The following APBA1 variants were observed in gnomAD, a reference collection of about 807,000 sequenced individuals.
APBA1 encodes the protein amyloid beta precursor protein binding family A member 1, also known as amyloid-beta A4 precursor protein-binding family A member 1.
APBA1 carries 55 observed loss-of-function variants against 86.6 expected under a neutral mutation model. That is an observed-to-expected ratio of 0.64 (90% CI 0.51 to 0.80). The LOEUF is 0.80. APBA1 is among the 30% of genes least tolerant of loss of function. APBA1 has a pLI of 0.00. For missense variants in APBA1, 1,090 were observed against 1,183.0 expected, an observed-to-expected ratio of 0.92 and a Z score of 1.15; for synonymous variants, 511 against 493.9, an observed-to-expected ratio of 1.03 and a Z score of -0.46.
chr9:69,531,429 C>A (rs967341694), intron 1 of APBA1, among the ~76,000 whole-genome samples: 43 of 152,304 alleles, frequency 2.8e-4, no homozygotes, highest in African/African-American at 1.0e-3. Flanking sequence ...GCCTGGTCCT[C>A]AGTCTCCCAA....
At chr9:69,525,960 G>A (rs11139111) in intron 1 of APBA1, among the ~76,000 whole-genome samples, 7 of 152,196 alleles carry the variant, frequency 4.6e-5, no homozygotes, top group East Asian at 1.9e-4. Context: ...AAAAATAAGC[G>A]ACGGGGAAAG....
intron 1 of APBA1, among the ~76,000 whole-genome samples, chr9:69,666,973 T>C (rs986001553): frequency 1.3e-5 from 2 of 152,204 alleles, no homozygotes; most frequent in Non-Finnish European, 2.9e-5. Context: ...GGGTATGGTA[T>C]TGGGCGAGGT....
rs537802904 is a variant in APBA1, at chr9:69,489,659, G to C, written c.1201-13516C>G. Among the ~76,000 whole-genome samples the C allele has an allele frequency of 2.5e-3, 378 of 152,150 alleles. 1 individual carries two copies. Among genetic ancestry groups the C allele is most frequent in the African/African-American group, 7.8e-3 (323 of 41,512 alleles). ...AGCAAACAACCCCATCAAAAAGTGG[G>C]CGAAGGACATGAACAGACACTTCTC... On this transcript the variant is annotated intron_variant, in intron 2 of 12. Coordinates refer to ENST00000265381, the MANE Select transcript of APBA1 (RefSeq NM_001163.4).
intron 1 of APBA1, among the ~76,000 whole-genome samples, chr9:69,652,534 C>T (rs1011324937): frequency 2.6e-5 from 4 of 151,918 alleles, no homozygotes; most frequent in East Asian, 3.9e-4. Flanking sequence ...CACTTAGCCA[C>T]AAAGACAGTA....
chr9:69,511,139 T>A (rs1419868523), intron 2 of APBA1, among the ~76,000 whole-genome samples: 1 of 151,926 alleles, frequency 6.6e-6, no homozygotes, highest in Non-Finnish European at 1.5e-5. Flanking sequence ...ACAGGCAACC[T>A]ACAAAATGGG....
chr9:69,623,409 C>T (rs560648759), intron 1 of APBA1, among the ~76,000 whole-genome samples: 46 of 151,378 alleles, frequency 3.0e-4, no homozygotes, highest in African/African-American at 1.0e-3. Context: ...AACTTATGGA[C>T]GAGTGGTACT....
rs759515322 is a variant in APBA1, at chr9:69,516,214, C to T, written c.997G>A (p.Glu333Lys). 36 of 1,499,240 alleles carry T rather than the reference C, an allele frequency of 2.4e-5. No individual in the cohort carries two copies. The East Asian group carries it at 7.1e-4, about 29-fold the overall frequency. The allele number at this position is 1,499,240 out of a possible 1,614,324, so 92.9% of individuals were successfully genotyped here. A position where few individuals can be genotyped will look rare whatever the true frequency, so the allele number is the denominator to read the frequency against. The stretch of plus-strand genomic sequence containing the variant: ...TCCTTGCTGTACCGCTGCCCCGCCT[C>T]GCCGCCGCCCGCGGGGCCCACCGCC... ...QRAVGPAGGG[E>K]AGQRYSKEKR... The change falls in exon 2 of 13, where the codon GAG becomes AAG. Residue 333 changes from glutamate (E) to lysine (K), a missense_variant. Glu to Lys is a moderately conservative substitution (Grantham distance 56). This residue lies in a region of APBA1 where 678 missense variants were observed against 647.1 expected (regional missense o/e 1.05). Transcript: ENST00000265381. The surrounding 1 kb of genome is among the most constrained non-coding windows in gnomAD (Gnocchi z 7.3).
chr9:69,439,932 T>C (rs1371262977), intron 11 of APBA1, among the ~76,000 whole-genome samples: 1 of 152,238 alleles, frequency 6.6e-6, no homozygotes, highest in Admixed American at 6.5e-5. Context: ...CTTTGGTCTT[T>C]GATGATGCTG....
At chr9:69,619,943 T>G (rs1564093953) in intron 1 of APBA1, among the ~76,000 whole-genome samples, 1 of 152,218 alleles carries the variant, frequency 6.6e-6, no homozygotes, top group African/African-American at 2.4e-5. Context: ...AAAATTTGTA[T>G]TCTCGGTTTC....
At chr9:69,542,000 AC>A (rs1300926164) in intron 1 of APBA1, among the ~76,000 whole-genome samples, 3 of 152,092 alleles carry the variant, frequency 2.0e-5, no homozygotes, top group African/African-American at 7.2e-5. Context: ...TAAAAATTTT[AC>A]TTTTATAAAA....
chr9:69,605,985 G>C (rs1822462067), intron 1 of APBA1, among the ~76,000 whole-genome samples: 1 of 152,152 alleles, frequency 6.6e-6, no homozygotes, highest in South Asian at 2.1e-4. Context: ...ACACATCCCT[G>C]GTCCCCAGTC....
chr9:69,553,784 T>C (rs1057205159), intron 1 of APBA1, among the ~76,000 whole-genome samples: 5 of 152,234 alleles, frequency 3.3e-5, no homozygotes, highest in Non-Finnish European at 7.3e-5. Flanking sequence ...CACAAGTTCC[T>C]GCCACAAATA....
chr9:69,494,731 A>T (rs1009036820), intron 2 of APBA1, among the ~76,000 whole-genome samples: 7 of 152,082 alleles, frequency 4.6e-5, no homozygotes, highest in African/African-American at 1.7e-4. Flanking sequence ...GCTCTGTGGG[A>T]GAGAAAAACC....
At chr9:69,449,323 G>A (rs896494194) in intron 10 of APBA1, among the ~76,000 whole-genome samples, 8 of 152,210 alleles carry the variant, frequency 5.3e-5, no homozygotes, top group Non-Finnish European at 1.2e-4. Context: ...TAGTGATGCT[G>A]TGATGGACAT....
At chr9:69,524,113 A>G (rs1836305946) in intron 1 of APBA1, among the ~76,000 whole-genome samples, 1 of 152,292 alleles carries the variant, frequency 6.6e-6, no homozygotes, top group South Asian at 2.1e-4. Flanking sequence ...ATAGTGCTAA[A>G]TGCCTACCTC....
chr9:69,456,201 T>C (rs780763273), intron 8 of APBA1, 46 bp downstream of exon 8: 6 of 1,605,814 alleles, frequency 3.7e-6, no homozygotes, highest in East Asian at 2.2e-5. Context: ...TTCTGAGAAG[T>C]CAAGAGAACC....
intron 1 of APBA1, among the ~76,000 whole-genome samples, chr9:69,602,710 C>T (rs893882530): frequency 6.6e-6 from 1 of 152,142 alleles, no homozygotes; most frequent in East Asian, 1.9e-4. Context: ...TATTTTTGAG[C>T]ACCTACTTGG....
At chr9:69,620,857 C>A (rs1001451906) in intron 1 of APBA1, among the ~76,000 whole-genome samples, 2 of 152,070 alleles carry the variant, frequency 1.3e-5, no homozygotes, top group Admixed American at 6.6e-5. Context: ...CGGGCTGGTG[C>A]GGTCACACGA....
At chr9:69,515,972 C>A in intron 2 of APBA1, 39 bp downstream of exon 2, 1 of 1,472,206 alleles carries the variant, frequency 6.8e-7, no homozygotes. Flanking sequence ...TCCCTCCCAC[C>A]GCGTGGGGCC....
Sources: allele counts gnomAD v4.1 joint callset (sites outside exome capture counted in the v4.1 genomes callset), GRCh38; gene constraint gnomAD v4.1.1; regional missense constraint gnomAD v4.1.1; non-coding constraint Gnocchi (gnomAD v3.1); transcripts MANE v1.5; gene names NCBI Gene and HGNC (gene_info 2026-07-23, HGNC 2026-07-21).